KATNAL1: variants seen among roughly 807,000 people sequenced by gnomAD.
KATNAL1 encodes katanin p60 ATPase-containing subunit A-like 1.
A neutral mutation model predicts 55.2 loss-of-function variants in KATNAL1; 32 were observed. The ratio of observed to expected loss-of-function variants is 0.58; its 90% confidence interval spans 0.44 to 0.78. KATNAL1 has a LOEUF of 0.78. KATNAL1 is among the 30% of genes least tolerant of loss of function. KATNAL1 has a pLI of 0.00. For missense variants in KATNAL1, 466 were observed against 600.9 expected (o/e 0.78, Z 2.35); for synonymous variants, 193 against 193.6 (o/e 1.00, Z 0.02).
At chr13:30,231,266 C>T (rs776586794) in intron 7 of KATNAL1, 48 bp downstream of exon 7, 1 of 1,475,228 alleles carries the variant, frequency 6.8e-7, no homozygotes, top group Admixed American at 2.0e-5. Flanking sequence ...ATGGGGGCAT[C>T]ATAGGCCTAC....
chr13:30,277,926 T>TGAGCC (rs1880970658), intron 3 of KATNAL1, among the ~76,000 whole-genome samples: 2 of 127,966 alleles, frequency 1.6e-5, no homozygotes, highest in Non-Finnish European at 3.1e-5. Context: ...GAGCTTGCAG[T>TGAGCC]GAGCCGAGAT....
chr13:30,293,397 G>A lies in KATNAL1; in HGVS notation c.-14-9606C>T, dbSNP rs564326253. The stretch of plus-strand genomic sequence containing the variant: ...TGTGCACATACACTGTGTACACCCC[G>A]GCAACACCCCTTCAAAATACAGAAC... On this transcript the variant is annotated intron_variant, in intron 1 of 10. Coordinates refer to ENST00000380615, the MANE Select transcript of KATNAL1 (RefSeq NM_032116.5). Among the ~76,000 whole-genome samples the A allele has an allele frequency of 7.2e-5, 11 of 151,934 alleles. No homozygotes were observed. The East Asian group carries it at 1.7e-3, about 24-fold the overall frequency.
chr13:30,279,848 C>T (rs1274815350), intron 3 of KATNAL1, among the ~76,000 whole-genome samples: 3 of 152,068 alleles, frequency 2.0e-5, no homozygotes, highest in Admixed American at 6.5e-5. Context: ...TTGTTATTAG[C>T]GTAATAAAGC....
At chr13:30,257,180 A>AT (rs148127639) in intron 3 of KATNAL1, among the ~76,000 whole-genome samples, 5,483 of 147,110 alleles carry the variant, frequency 0.037, 113 homozygotes, top group Middle Eastern at 0.067. Flanking sequence ...TTTTGACCTA[A>AT]TTTTTTTTTT....
chr13:30,240,317 C>A, intron 6 of KATNAL1, 143 bp downstream of exon 6: 1 of 596,908 alleles, frequency 1.7e-6, no homozygotes, highest in Non-Finnish European at 3.0e-6. Context: ...ACTACAAATT[C>A]AAATCCAGGT....
intron 1 of KATNAL1, among the ~76,000 whole-genome samples, chr13:30,290,247 T>G (rs1882047521): frequency 6.6e-6 from 1 of 151,826 alleles, no homozygotes; most frequent in Non-Finnish European, 1.5e-5. Context: ...AAGAGAAAAT[T>G]TCAATGTAGC....
At chr13:30,303,639 A>G (rs188427764) in intron 1 of KATNAL1, among the ~76,000 whole-genome samples, 71 of 152,378 alleles carry the variant, frequency 4.7e-4, no homozygotes, top group African/African-American at 1.6e-3. Context: ...AGATGCTCAA[A>G]TATCAGTGAA....
intron 1 of KATNAL1, chr13:30,296,685 A>G: frequency 3.1e-6 from 2 of 641,764 alleles, no homozygotes; most frequent in South Asian, 2.8e-5. Context: ...CAGTGACACA[A>G]TTAAGCTCAA....
chr13:30,279,225 A>G (rs898947184), intron 3 of KATNAL1, among the ~76,000 whole-genome samples: 2 of 152,214 alleles, frequency 1.3e-5, no homozygotes, highest in East Asian at 1.9e-4. Flanking sequence ...AACTCATTCA[A>G]TGTTGGTTGA....
At chr13:30,251,799 A>G (rs1405440594) in intron 4 of KATNAL1, among the ~76,000 whole-genome samples, 1 of 152,222 alleles carries the variant, frequency 6.6e-6, no homozygotes, top group Non-Finnish European at 1.5e-5. Context: ...TTACTGACAC[A>G]AATGTGCACT....
intron 3 of KATNAL1, among the ~76,000 whole-genome samples, chr13:30,259,897 T>C (rs1048070816): frequency 2.0e-5 from 3 of 152,240 alleles, no homozygotes; most frequent in African/African-American, 4.8e-5. Flanking sequence ...TGCCTGCCTC[T>C]GTAGGCTCCA....
At chr13:30,265,409 A>T (rs539417257) in intron 3 of KATNAL1, among the ~76,000 whole-genome samples, 110 of 92,444 alleles carry the variant, frequency 1.2e-3, no homozygotes, top group Middle Eastern at 5.4e-3. Flanking sequence ...TAAAAAAATT[A>T]AAAAAAAAGA....
At chr13:30,238,152 A>T (rs1445579771) in intron 6 of KATNAL1, among the ~76,000 whole-genome samples, 1 of 152,234 alleles carries the variant, frequency 6.6e-6, no homozygotes, top group Non-Finnish European at 1.5e-5. Context: ...AAACACCTAC[A>T]GAAAAAGAAT....
At chr13:30,212,120 A>C (rs1219982609) in intron 9 of KATNAL1, among the ~76,000 whole-genome samples, 2 of 152,220 alleles carry the variant, frequency 1.3e-5, no homozygotes, top group Non-Finnish European at 2.9e-5. Context: ...AACAGAGAAG[A>C]ATATCTCAAT....
intron 1 of KATNAL1, among the ~76,000 whole-genome samples, chr13:30,299,679 G>C (rs982761924): frequency 6.6e-6 from 1 of 152,090 alleles, no homozygotes; most frequent in Non-Finnish European, 1.5e-5. Context: ...CTTATTTTGA[G>C]ATTATGTATT....
chr13:30,270,034 GC>G (rs1408524692), intron 3 of KATNAL1, among the ~76,000 whole-genome samples: 1 of 107,952 alleles, frequency 9.3e-6, no homozygotes, highest in South Asian at 3.1e-4. Context: ...GGGGGTGTCA[GC>G]CCCCCGCCCG....
Position 30,251,095 on chromosome 13 carries a change from G to A in KATNAL1, c.492+4352C>T, listed in dbSNP as rs377097170. Reference sequence around the variant, plus strand: ...AGAGCTTGCAGCGAGCCGAGATCGCGCCACTGCACTCCAGTCTCTGGGCGA... The same window carrying A: ...AGAGCTTGCAGCGAGCCGAGATCGCACCACTGCACTCCAGTCTCTGGGCGA... On this transcript the variant is annotated intron_variant, in intron 4 of 10. Coordinates refer to ENST00000380615, the MANE Select transcript of KATNAL1 (RefSeq NM_032116.5). Among the ~76,000 whole-genome samples the A allele has an allele frequency of 2.3e-3, 310 of 135,312 alleles. 2 individuals are homozygous for A. In the South Asian group the frequency reaches 0.027, roughly 12 times the overall value. The allele number at this position is 135,312 out of a possible 152,430, so 88.8% of individuals were successfully genotyped here.
chr13:30,209,658 T>C (rs1873472295), intron 10 of KATNAL1, among the ~76,000 whole-genome samples: 1 of 152,280 alleles, frequency 6.6e-6, no homozygotes, highest in South Asian at 2.1e-4. Flanking sequence ...CATTTGCATG[T>C]GTTTAAATAA....
At chr13:30,228,309 C>T (rs905089672) in intron 8 of KATNAL1, among the ~76,000 whole-genome samples, 1 of 152,162 alleles carries the variant, frequency 6.6e-6, no homozygotes, top group Non-Finnish European at 1.5e-5. Context: ...GGACTTAAAG[C>T]AACCTAGTTC....
Sources: gnomAD v4.1 joint callset for allele counts (sites outside exome capture counted in the v4.1 genomes callset) on GRCh38, gnomAD v4.1.1 for gene constraint, MANE v1.5 for transcripts, NCBI Gene and HGNC (gene_info 2026-07-23, HGNC 2026-07-21) for gene names.